Variants in NOS1AP observed in about 807,000 individuals in gnomAD.
NOS1AP encodes the protein carboxyl-terminal PDZ ligand of neuronal nitric oxide synthase protein.
A neutral mutation model predicts 56.2 loss-of-function variants in NOS1AP; 21 were observed. That is an observed-to-expected ratio of 0.37 (90% CI 0.26 to 0.54). NOS1AP has a LOEUF of 0.54. Among genes scored for constraint, NOS1AP ranks in the 20% least tolerant of loss-of-function variants. The pLI is 0.84. For missense variants in NOS1AP, 522 were observed against 657.8 expected (o/e 0.79, Z 2.26); for synonymous variants, 270 against 274.6 (o/e 0.98, Z 0.17).
chr1:162,236,133 G>A (rs541194668), intron 2 of NOS1AP, among the ~76,000 whole-genome samples: 2 of 152,318 alleles, frequency 1.3e-5, no homozygotes, highest in South Asian at 2.1e-4. Context: ...CAGATTCTGT[G>A]TATCAGGGTC....
intron 1 of NOS1AP, among the ~76,000 whole-genome samples, chr1:162,150,699 TTC>T (rs1313113200): frequency 6.6e-6 from 1 of 152,226 alleles, no homozygotes; most frequent in African/African-American, 2.4e-5. Flanking sequence ...TGATTTGCAT[TTC>T]TCTGATAATG....
intron 2 of NOS1AP, among the ~76,000 whole-genome samples, chr1:162,161,750 T>G (rs925556688): frequency 6.6e-6 from 1 of 152,168 alleles, no homozygotes; most frequent in African/African-American, 2.4e-5. Context: ...GGCTAATTTT[T>G]TAAATTATTT....
At chr1:162,114,057 C>T (rs1647823730) in intron 1 of NOS1AP, among the ~76,000 whole-genome samples, 1 of 152,088 alleles carries the variant, frequency 6.6e-6, no homozygotes, top group Admixed American at 6.5e-5. Flanking sequence ...CTTCCTTGCT[C>T]ATTTGTAGTT....
At chr1:162,222,862 G>T (rs770754644) in intron 2 of NOS1AP, among the ~76,000 whole-genome samples, 19 of 152,344 alleles carry the variant, frequency 1.2e-4, no homozygotes, top group Non-Finnish European at 2.5e-4. Flanking sequence ...TCCTTGTGGG[G>T]TGAGGTTAAG....
intron 3 of NOS1AP, among the ~76,000 whole-genome samples, chr1:162,297,799 A>G (rs771972808): frequency 1.3e-5 from 2 of 152,210 alleles, no homozygotes; most frequent in Non-Finnish European, 2.9e-5. Flanking sequence ...TGCTAAGTAC[A>G]GCTGAAAACC....
rs1557874861 is a variant in NOS1AP at position 162,314,939 on chromosome 1, A to G, written c.344+14233A>G. Among the ~76,000 whole-genome samples, 3 of 152,256 alleles carry G rather than the reference A, an allele frequency of 2.0e-5. No homozygotes were observed. In the East Asian group the frequency reaches 5.8e-4, roughly 29 times the overall value. The stretch of plus-strand genomic sequence containing the variant: ...GAAAAAAACAAACCAATCTAACTTT[A>G]TTAATGATTTAATGTTTGAATGCTT... On this transcript the variant is annotated intron_variant, in intron 4 of 9. Coordinates refer to ENST00000361897, the MANE Select transcript of NOS1AP (RefSeq NM_014697.3).
chr1:162,080,204 T>A (rs1691853830), intron 1 of NOS1AP, among the ~76,000 whole-genome samples: 2 of 152,352 alleles, frequency 1.3e-5, no homozygotes, highest in South Asian at 4.1e-4. Flanking sequence ...TTTTAAGCAC[T>A]GGAGCAGTTG....
intron 1 of NOS1AP, among the ~76,000 whole-genome samples, chr1:162,074,505 T>C (rs1383870896): frequency 6.6e-6 from 1 of 152,062 alleles, no homozygotes; most frequent in African/African-American, 2.4e-5. Context: ...ATGAGGAAAT[T>C]GAAGTTTGGA....
chr1:162,155,383 T>A (rs1649921141), intron 2 of NOS1AP, among the ~76,000 whole-genome samples: 1 of 4,054 alleles, frequency 2.5e-4, no homozygotes, highest in Non-Finnish European at 1.9e-3. Context: ...GAGAGAGAGC[T>A]TATATATATA....
rs1557867016 is a variant in NOS1AP at position 162,294,228 on chromosome 1, A to AAGGAAGGAAGGAAGG, written c.271-6404_271-6403insGGAAGGAAGGAAGGA. Among the ~76,000 whole-genome samples, 14 of 105,534 alleles carry AAGGAAGGAAGGAAGG rather than the reference A, an allele frequency of 1.3e-4. 1 individual carries two copies. The highest frequency in any genetic ancestry group is 2.6e-4 in the Non-Finnish European group (13 of 50,966). 69.2% of individuals were successfully genotyped at this position (105,534 alleles called of 152,430 possible). On this transcript the variant is annotated intron_variant, in intron 3 of 9. Coordinates refer to ENST00000361897, the MANE Select transcript of NOS1AP (RefSeq NM_014697.3). Reference sequence around the variant, plus strand: ...GGAAGGAAGGAAGGAAGGAAGGAAGAAAGAAAGGAAGGAAGGATAGCAAAA... The same window carrying AAGGAAGGAAGGAAGG: ...GGAAGGAAGGAAGGAAGGAAGGAAGAAGGAAGGAAGGAAGGAAGAAAGGAAGGAAGGATAGCAAAA...
intron 2 of NOS1AP, among the ~76,000 whole-genome samples, chr1:162,248,538 G>A (rs1028071969): frequency 2.0e-5 from 3 of 152,112 alleles, no homozygotes; most frequent in East Asian, 1.9e-4. Flanking sequence ...AATATGCTCC[G>A]CTTTTACCTG....
chr1:162,143,226 T>C (rs2102077730), intron 1 of NOS1AP, among the ~76,000 whole-genome samples: 1 of 152,256 alleles, frequency 6.6e-6, no homozygotes. Flanking sequence ...GCTTGTGCCA[T>C]TCACCACTTC....
intron 1 of NOS1AP, among the ~76,000 whole-genome samples, chr1:162,075,136 A>G (rs1195481346): frequency 2.0e-5 from 3 of 152,158 alleles, no homozygotes; most frequent in Non-Finnish European, 4.4e-5. Context: ...CTCTCTGCAT[A>G]TATCTTCTCT....
intron 1 of NOS1AP, among the ~76,000 whole-genome samples, chr1:162,083,848 C>A (rs1460622802): frequency 6.6e-6 from 1 of 152,090 alleles, no homozygotes; most frequent in East Asian, 1.9e-4. Context: ...GTGTCTTTAC[C>A]AAGTTTTCCA....
chr1:162,366,813 T>A (rs993045264), intron 9 of NOS1AP: 1 of 603,560 alleles, frequency 1.7e-6, no homozygotes, highest in Non-Finnish European at 3.0e-6. Context: ...AACCATCATA[T>A]GGTTCTTATG....
In NOS1AP at chr1:162,369,714, T is replaced by A. The variant is rs1571254200; in HGVS notation, c.*2247T>A. ...AGACTCCTGCCCTTGGGGTGTTCCA[T>A]GGTGGTTTCTTCCTGCCTGGGCGCC... On this transcript the variant is annotated 3_prime_UTR_variant, in exon 10 of 10. Coordinates refer to ENST00000361897, the MANE Select transcript of NOS1AP (RefSeq NM_014697.3). The A allele has an allele frequency of 1.3e-5, 2 of 152,314 alleles. No individual in the cohort carries two copies. The highest frequency in any genetic ancestry group is 4.8e-5 in the African/African-American group (2 of 41,458). 9.4% of individuals were successfully genotyped at this position (152,314 alleles called of 1,614,324 possible). A position where few individuals can be genotyped will look rare whatever the true frequency, so the allele number is the denominator to read the frequency against.
intron 4 of NOS1AP, among the ~76,000 whole-genome samples, chr1:162,305,096 G>A (rs1227753747): frequency 6.6e-6 from 1 of 151,938 alleles, no homozygotes; most frequent in Non-Finnish European, 1.5e-5. Context: ...TATTCACATA[G>A]AATAACAGAA....
At chr1:162,351,295 T>G (rs1278578759) in intron 6 of NOS1AP, among the ~76,000 whole-genome samples, 5 of 152,254 alleles carry the variant, frequency 3.3e-5, no homozygotes, top group African/African-American at 1.2e-4. Context: ...TCAAGCACTT[T>G]GAGACTGAGC....
chr1:162,091,949 G>A (rs911579497), intron 1 of NOS1AP, among the ~76,000 whole-genome samples: 6 of 152,130 alleles, frequency 3.9e-5, no homozygotes, highest in African/African-American at 1.4e-4. Flanking sequence ...ATAGAATCAC[G>A]GAGTGCTGGA....
Sources: gnomAD v4.1 joint callset for allele counts (sites outside exome capture counted in the v4.1 genomes callset) on GRCh38, gnomAD v4.1.1 for gene constraint, MANE v1.5 for transcripts, NCBI Gene and HGNC (gene_info 2026-07-23, HGNC 2026-07-21) for gene names.